Variants in WWOX observed in about 807,000 individuals in gnomAD.
WWOX encodes the protein WW domain-containing oxidoreductase.
Under a neutral mutation model 46.2 loss-of-function variants are expected in WWOX, and 69 were observed. That is an observed-to-expected ratio of 1.49 (90% CI 1.23 to 1.82). The LOEUF (loss-of-function observed/expected upper bound fraction) is 1.82. Among genes scored for constraint, WWOX ranks in the 40% most tolerant of loss-of-function variants. The pLI, the probability that WWOX is intolerant of heterozygous loss-of-function variation, is 0.00. For missense variants in WWOX, 919 were observed against 542.6 expected, an observed-to-expected ratio of 1.69 and a Z score of -6.89; for synonymous variants, 359 against 202.6, an observed-to-expected ratio of 1.77 and a Z score of -6.56.
chr16:78,244,040 T>C (rs7187665), intron 5 of WWOX, among the ~76,000 whole-genome samples: 79,334 of 152,038 alleles, frequency 0.52, 21,570 homozygotes, highest in African/African-American at 0.68. Context: ...CACTGCGGCT[T>C]AGCCTGTGGT....
intron 8 of WWOX, among the ~76,000 whole-genome samples, chr16:79,132,250 G>A (rs1192717911): frequency 6.6e-6 from 1 of 151,890 alleles, no homozygotes; most frequent in Non-Finnish European, 1.5e-5. Context: ...GACTTTATAA[G>A]TTACATTTTA....
intron 8 of WWOX, among the ~76,000 whole-genome samples, chr16:78,840,353 T>C (rs1441643381): frequency 6.6e-6 from 1 of 152,170 alleles, no homozygotes; most frequent in South Asian, 2.1e-4. Flanking sequence ...AGAGGAGGCA[T>C]GAGGCATGGT....
chr16:78,852,110 A>G (rs139844415), intron 8 of WWOX, among the ~76,000 whole-genome samples: 149 of 152,296 alleles, frequency 9.8e-4, no homozygotes, highest in African/African-American at 3.1e-3. Context: ...TTTTGAGGTC[A>G]TTTTGTTGTT....
At chr16:78,186,094 T>C (rs1426762230) in intron 5 of WWOX, among the ~76,000 whole-genome samples, 3 of 152,186 alleles carry the variant, frequency 2.0e-5, no homozygotes, top group African/African-American at 7.2e-5. Flanking sequence ...GAGCTGTTGA[T>C]ATAAAATAAC....
intron 5 of WWOX, among the ~76,000 whole-genome samples, chr16:78,370,014 C>T (rs12923639): frequency 0.016 from 2,433 of 151,352 alleles, 38 homozygotes; most frequent in Non-Finnish European, 0.027. Flanking sequence ...TGTCTGTAAT[C>T]CCAGCTACCT....
At chr16:79,176,625 T>C (rs2050805745) in intron 8 of WWOX, among the ~76,000 whole-genome samples, 1 of 152,240 alleles carries the variant, frequency 6.6e-6, no homozygotes, top group Admixed American at 6.5e-5. Flanking sequence ...TCTGTGTGTC[T>C]TCATGTCATT....
At chr16:78,354,263 C>G (rs944135087) in intron 5 of WWOX, among the ~76,000 whole-genome samples, 5 of 141,588 alleles carry the variant, frequency 3.5e-5, no homozygotes, top group Non-Finnish European at 6.1e-5. Context: ...AGGGATTAAT[C>G]TCTTTTTGCT....
chr16:78,579,157 G>C (rs1164257130), intron 8 of WWOX, among the ~76,000 whole-genome samples: 1 of 152,114 alleles, frequency 6.6e-6, no homozygotes, highest in East Asian at 1.9e-4. Flanking sequence ...TCACTTTAAT[G>C]ATTCAGCAAT....
At chr16:78,256,426 T>G (rs2038133915) in intron 5 of WWOX, among the ~76,000 whole-genome samples, 1 of 151,946 alleles carries the variant, frequency 6.6e-6, no homozygotes, top group Non-Finnish European at 1.5e-5. Flanking sequence ...ACTCTTAAAT[T>G]CATTGGTGAG....
chr16:78,956,093 C>T (rs1451778377), intron 8 of WWOX, among the ~76,000 whole-genome samples: 1 of 152,032 alleles, frequency 6.6e-6, no homozygotes, highest in African/African-American at 2.4e-5. Flanking sequence ...TCCGGCAGAG[C>T]CCTGGCTCAC....
intron 8 of WWOX, among the ~76,000 whole-genome samples, chr16:78,804,549 G>A (rs918743364): frequency 6.6e-6 from 1 of 152,242 alleles, no homozygotes; most frequent in Non-Finnish European, 1.5e-5. Context: ...GGAGCCTGAT[G>A]AGAACTGTGG....
intron 8 of WWOX, among the ~76,000 whole-genome samples, chr16:78,651,866 G>T (rs2046972777): frequency 1.3e-5 from 2 of 152,200 alleles, no homozygotes; most frequent in African/African-American, 2.4e-5. Flanking sequence ...GTTTTGTCAT[G>T]TGTAGAATGG....
chr16:78,221,622 A>G (rs62034012), intron 5 of WWOX, among the ~76,000 whole-genome samples: 22,003 of 152,246 alleles, frequency 0.14, 2,049 homozygotes, highest in Non-Finnish European at 0.21. Flanking sequence ...CCCGAGTACT[A>G]TAGCCTTCCT....
intron 8 of WWOX, among the ~76,000 whole-genome samples, chr16:78,569,385 G>A (rs368886944): frequency 1.6e-4 from 24 of 152,238 alleles, no homozygotes; most frequent in African/African-American, 5.3e-4. Flanking sequence ...CTGTTTTGTT[G>A]ACATTCACCT....
intron 5 of WWOX, among the ~76,000 whole-genome samples, chr16:78,180,320 G>T (rs1448475731): frequency 6.6e-6 from 1 of 152,160 alleles, no homozygotes; most frequent in African/African-American, 2.4e-5. Flanking sequence ...AGAATGAACA[G>T]CTTAAAAGGC....
intron 8 of WWOX, among the ~76,000 whole-genome samples, chr16:78,974,092 T>C (rs1333782351): frequency 1.3e-5 from 2 of 152,228 alleles, no homozygotes; most frequent in South Asian, 2.1e-4. Context: ...ATTCAAAAAG[T>C]GTAAAGGACT....
Position 79,014,030 on chromosome 16 carries a change from A to G in WWOX, c.1057-197578A>G, listed in dbSNP as rs559168328. 2.0e-5 allele frequency among the ~76,000 whole-genome samples: 3 copies of G among 152,286 alleles called. No individual in the cohort carries two copies. The South Asian group carries it at 6.2e-4, about 32-fold the overall frequency. On this transcript the variant is annotated intron_variant, in intron 8 of 8. Transcript: ENST00000566780. ...GCATGCGATATGCTTCTCAGGCAGT[A>G]ATTTAGAGACTGTCAATTCCTGAGA...
chr16:78,960,565 A>C (rs1449851018), intron 8 of WWOX, among the ~76,000 whole-genome samples: 1 of 152,174 alleles, frequency 6.6e-6, no homozygotes, highest in East Asian at 1.9e-4. Context: ...GCAGGTATTT[A>C]TTGAGTTATG....
chr16:78,863,492 C>T (rs1003722175), intron 8 of WWOX, among the ~76,000 whole-genome samples: 4 of 152,146 alleles, frequency 2.6e-5, no homozygotes, highest in East Asian at 1.9e-4. Context: ...CACCAATGGA[C>T]CACTGGTCCC....
Sources: allele counts gnomAD v4.1 joint callset (sites outside exome capture counted in the v4.1 genomes callset), GRCh38; gene constraint gnomAD v4.1.1; transcripts MANE v1.5; gene names NCBI Gene and HGNC (gene_info 2026-07-23, HGNC 2026-07-21).